CDH12: variants seen among roughly 807,000 people sequenced by gnomAD.
CDH12 encodes cadherin 12.
A neutral mutation model predicts 74.1 loss-of-function variants in CDH12; 41 were observed. The ratio of observed to expected loss-of-function variants is 0.55; its 90% CI spans 0.43 to 0.72. The LOEUF is 0.72. Among genes scored for constraint, CDH12 ranks in the 30% least tolerant of loss-of-function variants. The probability of loss-of-function intolerance (pLI) is 0.00; values close to 1 mark genes in which losing one functional copy is unlikely to be tolerated. For missense variants in CDH12, 945 were observed against 977.2 expected (o/e 0.97, Z 0.44); for synonymous variants, 399 against 355.0 (o/e 1.12, Z -1.39).
chr5:22,057,793 G>A (rs1472369150), intron 5 of CDH12, among the ~76,000 whole-genome samples: 2 of 152,100 alleles, frequency 1.3e-5, no homozygotes, highest in East Asian at 1.9e-4. Context: ...TTCATGGAGC[G>A]ATGATGAAGA....
chr5:22,376,915 A>G (rs1246086065), intron 3 of CDH12, among the ~76,000 whole-genome samples: 1 of 152,178 alleles, frequency 6.6e-6, no homozygotes, highest in Non-Finnish European at 1.5e-5. Flanking sequence ...GTAAATAAAT[A>G]TAAATAGTTC....
intron 3 of CDH12, among the ~76,000 whole-genome samples, chr5:22,360,986 C>T (rs1740778667): frequency 6.6e-6 from 1 of 152,100 alleles, no homozygotes; most frequent in African/African-American, 2.4e-5. Context: ...ACTGAATGGG[C>T]AAAAACTGGA....
chr5:21,865,807 AC>A (rs1413121587), intron 6 of CDH12, among the ~76,000 whole-genome samples: 1 of 151,988 alleles, frequency 6.6e-6, no homozygotes, highest in African/African-American at 2.4e-5. Flanking sequence ...GGGCAAACTC[AC>A]CCCAGACAGC....
At chr5:21,911,025 G>A (rs1753838488) in intron 6 of CDH12, among the ~76,000 whole-genome samples, 1 of 152,190 alleles carries the variant, frequency 6.6e-6, no homozygotes, top group African/African-American at 2.4e-5. Flanking sequence ...AAGCCTTGTA[G>A]TGTTTCAAAG....
intron 2 of CDH12, among the ~76,000 whole-genome samples, chr5:22,463,993 TTGAATTGTA>T (rs1745625843): frequency 2.6e-5 from 4 of 152,336 alleles, no homozygotes; most frequent in Admixed American, 2.6e-4. Flanking sequence ...AAATCTCATC[TTGAATTGTA>T]ACTCCCAGAG....
rs1300733302 is a variant in CDH12, at chr5:21,848,388, T to C, written c.647-6060A>G. ...GGATAAAAAAGAGTAATGATAGTAC[T>C]CAAAACGTAACTTCAGCAGTGAGAA... On this transcript the variant is annotated intron_variant, in intron 7 of 14. Transcript: ENST00000382254. Among the ~76,000 whole-genome samples, 3 of 151,998 alleles carry C rather than the reference T, an allele frequency of 2.0e-5. No homozygotes were observed. The East Asian group carries it at 5.8e-4, about 29-fold the overall frequency.
intron 4 of CDH12, among the ~76,000 whole-genome samples, chr5:22,133,777 T>C (rs767729571): frequency 3.3e-5 from 5 of 150,548 alleles, no homozygotes; most frequent in Non-Finnish European, 5.9e-5. Context: ...ACTTATACCC[T>C]TGTTGATGGT....
At chr5:22,542,352 G>A (rs1308705173) in intron 1 of CDH12, among the ~76,000 whole-genome samples, 1 of 152,152 alleles carries the variant, frequency 6.6e-6, no homozygotes, top group Non-Finnish European at 1.5e-5. Context: ...CAATAATTGG[G>A]AGGAAATAAA....
chr5:21,796,492 G>A lies in CDH12; in HGVS notation c.1256+5675C>T, dbSNP rs755915177. On this transcript the variant is annotated intron_variant, in intron 10 of 14. Coordinates refer to ENST00000382254, the MANE Select transcript of CDH12 (RefSeq NM_004061.5). Reference sequence around the variant, plus strand: ...ATTGTAAGATGAATCTTTATGAGTCGGGGAACAATCTGTACACTTTTAAAT... The same window carrying A: ...ATTGTAAGATGAATCTTTATGAGTCAGGGAACAATCTGTACACTTTTAAAT... 1.1e-4 allele frequency among the ~76,000 whole-genome samples: 17 copies of A among 151,940 alleles called. No homozygotes were observed. In the East Asian group the frequency reaches 1.5e-3, roughly 14 times the overall value.
intron 1 of CDH12, among the ~76,000 whole-genome samples, chr5:22,532,350 G>GATACATAT: frequency 3.6e-5 from 1 of 27,562 alleles, no homozygotes; most frequent in Non-Finnish European, 7.4e-5. Context: ...ATATAAATAG[G>GATACATAT]ATATATATAT....
intron 1 of CDH12, among the ~76,000 whole-genome samples, chr5:22,650,186 C>T (rs1293891388): frequency 1.3e-5 from 2 of 151,956 alleles, no homozygotes; most frequent in African/African-American, 4.8e-5. Context: ...ATTAGTAAAA[C>T]ATTCATGATT....
intron 1 of CDH12, among the ~76,000 whole-genome samples, chr5:22,785,409 G>A (rs1415472876): frequency 1.3e-5 from 2 of 151,926 alleles, no homozygotes; most frequent in Non-Finnish European, 2.9e-5. Context: ...ACCACCTCTG[G>A]TAATGTCTAC....
chr5:22,147,381 C>G (rs950201448), intron 4 of CDH12, among the ~76,000 whole-genome samples: 2 of 151,838 alleles, frequency 1.3e-5, no homozygotes, highest in African/African-American at 4.8e-5. Flanking sequence ...AAGGTAAACT[C>G]TTAATTAAGT....
At chr5:22,487,882 T>A (rs1035967715) in intron 2 of CDH12, among the ~76,000 whole-genome samples, 1 of 152,346 alleles carries the variant, frequency 6.6e-6, no homozygotes, top group East Asian at 1.9e-4. Flanking sequence ...AAAATTTAAC[T>A]TTTAACAACA....
chr5:22,588,048 G>A (rs1740502160), intron 1 of CDH12, among the ~76,000 whole-genome samples: 1 of 149,156 alleles, frequency 6.7e-6, no homozygotes. Flanking sequence ...ACATATATAT[G>A]TGTGTATACA....
chr5:22,782,538 A>G (rs1264891059), intron 1 of CDH12, among the ~76,000 whole-genome samples: 1 of 152,110 alleles, frequency 6.6e-6, no homozygotes, highest in African/African-American at 2.4e-5. Context: ...ACTGTGAGTC[A>G]ATTAAACCTC....
At chr5:22,638,019 A>T (rs1035331472) in intron 1 of CDH12, among the ~76,000 whole-genome samples, 5 of 152,356 alleles carry the variant, frequency 3.3e-5, no homozygotes, top group Non-Finnish European at 7.3e-5. Context: ...GCACACACAC[A>T]ATAACAATAA....
rs184762565 is a variant in CDH12 at position 22,686,920 on chromosome 5, T to C, written c.-523+166138A>G. Among the ~76,000 whole-genome samples, 493 of 146,728 alleles carry C rather than the reference T, an allele frequency of 3.4e-3. 5 individuals are homozygous for C. Among genetic ancestry groups the C allele is most frequent in the African/African-American group, 0.013 (462 of 36,260 alleles). On this transcript the variant is annotated intron_variant, in intron 1 of 14. Transcript: ENST00000382254. Reference sequence around the variant, plus strand: ...GTTAAAAATACTCTCTTTTTCCTTATCCCTCTGCCTCAAAAGTTGTCCCTG... The same window carrying C: ...GTTAAAAATACTCTCTTTTTCCTTACCCCTCTGCCTCAAAAGTTGTCCCTG...
At position 21,824,856 on chromosome 5, in the gene CDH12, A is replaced by G. The variant is rs186362025; in HGVS notation, c.815-7724T>C. 3.8e-3 allele frequency among the ~76,000 whole-genome samples: 580 copies of G among 152,228 alleles called. 5 individuals carry two copies. Among genetic ancestry groups the G allele is most frequent in the African/African-American group, 0.014 (561 of 41,548 alleles). ...CACACTCTACAAAACATGCTTTAAA[A>G]GACTAACAAAATATTGCCCAGGCAC... On this transcript the variant is annotated intron_variant, in intron 8 of 14. Transcript: ENST00000382254.
Sources: allele counts gnomAD v4.1 joint callset (sites outside exome capture counted in the v4.1 genomes callset), GRCh38; gene constraint gnomAD v4.1.1; transcripts MANE v1.5; gene names NCBI Gene and HGNC (gene_info 2026-07-23, HGNC 2026-07-21).